FBF1: variants seen among roughly 807,000 people sequenced by gnomAD.
The protein encoded by FBF1 is fas-binding factor 1.
Under a neutral mutation model 147.2 loss-of-function variants are expected in FBF1, and 119 were observed. That is an observed-to-expected ratio of 0.81 (90% CI 0.70 to 0.94). FBF1 has a LOEUF of 0.94. Among genes scored for constraint, FBF1 ranks in the 40% least tolerant of loss-of-function variants. The probability of loss-of-function intolerance (pLI) is 0.00; values close to 1 mark genes in which losing one functional copy is unlikely to be tolerated. For missense variants in FBF1, 1,449 were observed against 1,500.8 expected (o/e 0.97, Z 0.57); for synonymous variants, 601 against 609.0 (o/e 0.99, Z 0.19).
At position 75,918,174 on chromosome 17, in the gene FBF1, G is replaced by T. The variant is rs3744013; in HGVS notation, c.2234C>A (p.Thr745Asn). The T allele has an allele frequency of 1.2e-6, 2 of 1,613,410 alleles. No individual in the cohort carries two copies. Among genetic ancestry groups the T allele is most frequent in the Non-Finnish European group, 1.7e-6 (2 of 1,179,866 alleles). Residue 745 changes from threonine to asparagine, a missense_variant, in exon 21 of 30, where the codon ACC becomes AAC. By Grantham distance (65) the Thr-to-Asn change is moderately conservative (BLOSUM62 0). Coordinates refer to ENST00000636174, the MANE Select transcript of FBF1 (RefSeq NM_001319193.2). The surrounding 1 kb of genome is among the most constrained non-coding windows in gnomAD (Gnocchi z 5.8). ...GCAGCGCACATACCGCGTGTGGGAG[G>T]TGGCACTGGTGGCCGCATCGACCTC... ...DREVDAATSA[T>N]SHTRSLNSII...
rs1181605782 is a variant in FBF1 at position 75,909,577 on chromosome 17, C to T, written c.*1146G>A. 1 of 474,808 alleles carries T rather than the reference C, an allele frequency of 2.1e-6. No homozygotes were observed. Among genetic ancestry groups the T allele is most frequent in the Non-Finnish European group, 3.7e-6 (1 of 268,160 alleles). The allele number at this position is 474,808 out of a possible 1,614,324, so 29.4% of individuals were successfully genotyped here. ...AAATCCAGGCGCAGCTACTCACTGT[C>T]ATTTCAGGCAGGTTATTTAATCTCC... On this transcript the variant is annotated 3_prime_UTR_variant, in exon 30 of 30. Coordinates refer to ENST00000636174, the MANE Select transcript of FBF1 (RefSeq NM_001319193.2).
intron 23 of FBF1, among the ~76,000 whole-genome samples, chr17:75,915,810 A>C (rs1032217263): frequency 6.6e-6 from 1 of 151,982 alleles, no homozygotes; most frequent in Admixed American, 6.6e-5. Context: ...GGAGTTCAAG[A>C]CCAGCCTGGC....
chr17:75,936,899 C>T (rs2065628425), intron 3 of FBF1, among the ~76,000 whole-genome samples: 1 of 152,098 alleles, frequency 6.6e-6, no homozygotes, highest in African/African-American at 2.4e-5. Context: ...CTAAGACCCC[C>T]CAGAACTGGT....
chr17:75,919,963 T>C lies in FBF1; in HGVS notation c.1931+44A>G, dbSNP rs1598154647. 6.2e-7 allele frequency: 1 copy of C among 1,609,738 alleles called. No individual in the cohort carries two copies. The highest frequency in any genetic ancestry group is 2.2e-5 in the East Asian group (1 of 44,770). On this transcript the variant is annotated intron_variant, in intron 19 of 29. Transcript: ENST00000636174. The surrounding 1 kb of genome is among the most constrained non-coding windows in gnomAD (Gnocchi z 5.0). ...CAGGCACACTGGGTGGCCTTTGGGG[T>C]CAGTGTGAGATCCAAGGCAGAGCTG...
rs376908890 is a variant in FBF1, at chr17:75,910,791, C to A, written c.3379G>T (p.Glu1127Ter). Residue 1127 changes from glutamate (E) to a stop codon, truncating the protein, a stop_gained, in exon 30 of 30, where the codon GAG becomes TAG. Transcript: ENST00000636174. LOFTEE classifies it high-confidence loss of function. This position sits in a 1 kb window ranked among gnomAD's most constrained non-coding sequence, Gnocchi z 4.1. ...GTCTCCAGGAAGAACTGTTCATTCT[C>A]CAAGAAGTCACGGTCCTGCAAGGCA... ...HMAEQDRDFL[E>*]NEQFFLETLK... is the part of the protein sequence containing the mutation. 8 of 1,610,264 alleles carry A rather than the reference C, an allele frequency of 5.0e-6. No individual in the cohort carries two copies. The highest frequency in any genetic ancestry group is 6.8e-6 in the Non-Finnish European group (8 of 1,178,470).
At chr17:75,934,637 G>A (rs2065612961) in intron 4 of FBF1, among the ~76,000 whole-genome samples, 1 of 151,746 alleles carries the variant, frequency 6.6e-6, no homozygotes, top group Admixed American at 6.6e-5. Flanking sequence ...CCAGCACTTT[G>A]GGAGGCCAAG....
At chr17:75,927,640 A>T (rs1039824262) in intron 8 of FBF1, 108 bp from the exon 9 acceptor site, 1 of 935,416 alleles carries the variant, frequency 1.1e-6, no homozygotes. Context: ...TCTTCCTGGG[A>T]AGCTGGGGGC....
At chr17:75,937,020 C>T (rs929362477) in intron 3 of FBF1, among the ~76,000 whole-genome samples, 2 of 152,070 alleles carry the variant, frequency 1.3e-5, no homozygotes, top group African/African-American at 2.4e-5. Context: ...ATCCCAACCA[C>T]ATATTTCTGG....
chr17:75,934,084 G>A (rs536396905), intron 4 of FBF1, among the ~76,000 whole-genome samples: 16 of 152,094 alleles, frequency 1.1e-4, no homozygotes, highest in Admixed American at 6.5e-4. Flanking sequence ...ACTAGTACAC[G>A]AACGTTCATA....
At chr17:75,937,840 C>A in intron 2 of FBF1, 1 of 630,258 alleles carries the variant, frequency 1.6e-6, no homozygotes, top group African/African-American at 1.8e-5. Context: ...CTTTCCCAGA[C>A]ACGACATGCA....
In FBF1 at chr17:75,913,783, C is replaced by G; in HGVS notation, c.3166G>C (p.Asp1056His). The change falls in exon 28 of 30, where the codon GAC becomes CAC. Residue 1056 changes from aspartate (D) to histidine (H), a missense_variant. Coordinates refer to ENST00000636174, the MANE Select transcript of FBF1 (RefSeq NM_001319193.2). ...GAGGGCAGGTCCTGTCGTGCGCGGT[C>G]CAGTTGCAGCCTCTGCTGGGCCAGA... is the stretch of plus-strand genomic sequence containing the variant. ...LSLAQQRLQLDRARQDLPSSL... is the reference protein window; with the variant it reads ...LSLAQQRLQLHRARQDLPSSL... 1 of 1,605,798 alleles carries G rather than the reference C, an allele frequency of 6.2e-7. No homozygotes were observed. Among genetic ancestry groups the G allele is most frequent in the Non-Finnish European group, 8.5e-7 (1 of 1,179,224 alleles).
chr17:75,926,576 C>T (rs2065563259), intron 10 of FBF1, 150 bp from the exon 11 acceptor site: 5 of 1,360,738 alleles, frequency 3.7e-6, no homozygotes, highest in Non-Finnish European at 4.9e-6. Flanking sequence ...ATTCCTCCAG[C>T]CTACTCCCAG....
At chr17:75,921,877 C>T (rs2065529960) in intron 15 of FBF1, 68 bp downstream of exon 15, 1 of 1,366,684 alleles carries the variant, frequency 7.3e-7, no homozygotes, top group Non-Finnish European at 1.0e-6. Flanking sequence ...CTGTGTCCCT[C>T]TCTCAGGACA....
Position 75,927,551 on chromosome 17 carries a change from A to G in FBF1, c.398-19T>C. ...GCACCCCCTGCAGGAAGCAGAAGAC[A>G]AGGTCATGGGCCTGAGTCTCTCCTG... On this transcript the variant is annotated intron_variant, in intron 8 of 29. Coordinates refer to ENST00000636174, the MANE Select transcript of FBF1 (RefSeq NM_001319193.2). 2 of 1,586,222 alleles carry G rather than the reference A, an allele frequency of 1.3e-6. No individual in the cohort carries two copies. The highest frequency in any genetic ancestry group is 2.3e-5 in the East Asian group (1 of 43,562).
intron 7 of FBF1, 54 bp downstream of exon 7, chr17:75,929,943 T>TGTGGGGGG: frequency 1.4e-6 from 1 of 701,748 alleles, no homozygotes; most frequent in Non-Finnish European, 2.6e-6. Context: ...CAAAATATCA[T>TGTGGGGGG]GACCCCACCC....
Position 75,920,370 on chromosome 17 carries a change from C to A in FBF1, c.1734G>T (p.Gln578His). The A allele has an allele frequency of 6.2e-7, 1 of 1,605,974 alleles. No homozygotes were observed. The highest frequency in any genetic ancestry group is 1.7e-5 in the Admixed American group (1 of 58,780). Reference protein sequence around the residue: ...SLLPSTEYQKQLLAAQVQLQC... With the variant: ...SLLPSTEYQKHLLAAQVQLQC... ...GAAGTTGCACCTGTGCTGCCAGGAG[C>A]TGCTTCTGGTATTCTGTGCTCGGCA... The change falls in exon 18 of 30, where the codon CAG becomes CAT. Residue 578 changes from glutamine to histidine, a missense_variant. Gln to His is a conservative substitution (Grantham distance 24). Coordinates refer to ENST00000636174, the MANE Select transcript of FBF1 (RefSeq NM_001319193.2).
chr17:75,917,894 C>A (rs747183744), intron 22 of FBF1, 37 bp downstream of exon 22: 6 of 1,586,208 alleles, frequency 3.8e-6, no homozygotes, highest in Non-Finnish European at 5.1e-6. Flanking sequence ...TCCCCCTTCC[C>A]ACCAGGAGCC....
chr17:75,926,469 C>A, intron 10 of FBF1, 43 bp from the exon 11 acceptor site: 1 of 1,505,110 alleles, frequency 6.6e-7, no homozygotes, highest in South Asian at 1.4e-5. Context: ...CCTTCTTGCC[C>A]TCAACTGTGA....
Position 75,922,617 on chromosome 17 carries a change from TCA to T in FBF1, c.1424+567_1424+568del, listed in dbSNP as rs2065534943. On this transcript the variant is annotated intron_variant, in intron 14 of 29. Coordinates refer to ENST00000636174, the MANE Select transcript of FBF1 (RefSeq NM_001319193.2). This position sits in a 1 kb window ranked among gnomAD's most constrained non-coding sequence, Gnocchi z 5.0. ...CCCTGGGCTCTGGCCACAGCACATC[TCA>T]CCACTTCCTCTGGACTCCCCCAGCC... 6.6e-6 allele frequency among the ~76,000 whole-genome samples: 1 copy of T among 152,050 alleles called. No homozygotes were observed. The highest frequency in any genetic ancestry group is 1.5e-5 in the Non-Finnish European group (1 of 68,006).
Sources: allele counts gnomAD v4.1 joint callset (sites outside exome capture counted in the v4.1 genomes callset), GRCh38; gene constraint gnomAD v4.1.1; non-coding constraint Gnocchi (gnomAD v3.1); transcripts MANE v1.5; gene names NCBI Gene and HGNC (gene_info 2026-07-23, HGNC 2026-07-21).